KIAA1328: variants seen among roughly 807,000 people sequenced by gnomAD.
KIAA1328 encodes protein hinderin.
Under a neutral mutation model 68.1 loss-of-function variants are expected in KIAA1328, and 52 were observed. The ratio of observed to expected loss-of-function variants is 0.76; its 90% CI spans 0.61 to 0.96. The LOEUF (loss-of-function observed/expected upper bound fraction) is 0.96, where lower values mean the gene tolerates loss of function less well. Among genes scored for constraint, KIAA1328 ranks in the 40% least tolerant of loss-of-function variants. KIAA1328 has a pLI of 0.00. For synonymous variants in KIAA1328, 232 were observed against 239.4 expected (o/e 0.97, Z 0.28); for missense variants, 641 against 677.6 (o/e 0.95, Z 0.60).
intron 5 of KIAA1328, among the ~76,000 whole-genome samples, chr18:36,919,525 TAG>T (rs2049839301): frequency 6.6e-6 from 1 of 152,186 alleles, no homozygotes; most frequent in South Asian, 2.1e-4. Flanking sequence ...GCGAGGAACA[TAG>T]AGTGTTGCAA....
intron 6 of KIAA1328, among the ~76,000 whole-genome samples, chr18:37,066,527 G>A (rs1371983546): frequency 6.6e-6 from 1 of 152,126 alleles, no homozygotes; most frequent in African/African-American, 2.4e-5. Context: ...CCTTGGCTCA[G>A]TATTCAAAAG....
intron 7 of KIAA1328, among the ~76,000 whole-genome samples, chr18:37,130,861 G>A (rs1159537599): frequency 3.3e-5 from 5 of 152,090 alleles, no homozygotes; most frequent in African/African-American, 1.2e-4. Context: ...TTTTTTTCTA[G>A]ATTTCCTTTT....
chr18:36,903,726 G>C (rs527965935), intron 5 of KIAA1328: 47 of 152,258 alleles, frequency 3.1e-4, no homozygotes, highest in Non-Finnish European at 5.3e-4. Flanking sequence ...TTTGTACCAT[G>C]ACTAAGCACA....
intron 7 of KIAA1328, among the ~76,000 whole-genome samples, chr18:37,103,979 C>T (rs557186071): frequency 6.6e-6 from 1 of 152,196 alleles, no homozygotes; most frequent in South Asian, 2.1e-4. Flanking sequence ...TATCATCTCA[C>T]CCCAGTTAGC....
intron 9 of KIAA1328, among the ~76,000 whole-genome samples, chr18:37,184,594 G>A (rs929434226): frequency 6.6e-6 from 1 of 152,150 alleles, no homozygotes; most frequent in African/African-American, 2.4e-5. Flanking sequence ...AGAGTTAAAG[G>A]CCGAAGATCT....
At chr18:37,081,651 T>C (rs2930874) in intron 7 of KIAA1328, among the ~76,000 whole-genome samples, 40,545 of 152,102 alleles carry the variant, frequency 0.27, 8,503 homozygotes, top group African/African-American at 0.59. Flanking sequence ...TGAAGCCTTT[T>C]ATAATTTGGA....
chr18:37,134,303 G>A (rs751495532), intron 7 of KIAA1328, among the ~76,000 whole-genome samples: 84 of 152,158 alleles, frequency 5.5e-4, no homozygotes, highest in Middle Eastern at 3.4e-3. Flanking sequence ...GAGCCACTGC[G>A]CCTGGCTACA....
Position 37,105,916 on chromosome 18 carries a change from CAAAAAAAAAAAA to C in KIAA1328, c.1232+38389_1232+38400del, listed in dbSNP as rs58940699. ...TGGTTGACAGAGCAAGACTCTGTGT[CAAAAAAAAAAAA>C]AAAAAAAAAAAAAAAAAGAATTATA... On this transcript the variant is annotated intron_variant, in intron 7 of 9. Transcript: ENST00000280020. Among the ~76,000 whole-genome samples the C allele has an allele frequency of 9.7e-4, 19 of 19,504 alleles. 1 individual carries two copies. In the South Asian group the frequency reaches 0.013, roughly 13 times the overall value. 12.8% of individuals were successfully genotyped at this position (19,504 alleles called of 152,430 possible).
intron 7 of KIAA1328, among the ~76,000 whole-genome samples, chr18:37,139,313 G>A (rs550641662): frequency 6.6e-6 from 1 of 152,184 alleles, no homozygotes; most frequent in South Asian, 2.1e-4. Context: ...TTCATTCACA[G>A]GTCCATTGCA....
chr18:37,076,781 C>T (rs1346673841), intron 7 of KIAA1328, among the ~76,000 whole-genome samples: 1 of 151,812 alleles, frequency 6.6e-6, no homozygotes, highest in African/African-American at 2.4e-5. Flanking sequence ...AAGACTAAAC[C>T]AGGAAGAAGT....
intron 5 of KIAA1328, among the ~76,000 whole-genome samples, chr18:36,928,149 T>C (rs11665258): frequency 0.13 from 20,279 of 152,202 alleles, 1,738 homozygotes; most frequent in Non-Finnish European, 0.18. Flanking sequence ...TGCTTTCTGT[T>C]TTAAGAGCAT....
chr18:36,896,831 CT>C (rs2048882583), intron 5 of KIAA1328, among the ~76,000 whole-genome samples: 2 of 152,028 alleles, frequency 1.3e-5, no homozygotes, highest in Admixed American at 6.6e-5. Context: ...CTGATGTACT[CT>C]TTTCAGCTAC....
intron 7 of KIAA1328, among the ~76,000 whole-genome samples, chr18:37,079,446 A>G (rs1467857563): frequency 4.1e-5 from 6 of 147,910 alleles, no homozygotes; most frequent in Non-Finnish European, 5.9e-5. Context: ...TAACCTGCAC[A>G]TTGTGCACAT....
chr18:36,935,754 C>CTGTG (rs914779903), intron 5 of KIAA1328, among the ~76,000 whole-genome samples: 1 of 151,860 alleles, frequency 6.6e-6, no homozygotes, highest in African/African-American at 2.4e-5. Context: ...TAAGTATATA[C>CTGTG]TGTGTGTGTG....
At chr18:37,126,908 T>C (rs323302) in intron 7 of KIAA1328, among the ~76,000 whole-genome samples, 66,990 of 151,972 alleles carry the variant, frequency 0.44, 16,750 homozygotes, top group African/African-American at 0.69. Context: ...AATCTCTCAA[T>C]ATACTAGTAA....
chr18:37,024,327 G>T (rs556623879), intron 6 of KIAA1328, among the ~76,000 whole-genome samples: 1 of 148,920 alleles, frequency 6.7e-6, no homozygotes, highest in Admixed American at 6.7e-5. Context: ...GTGTCCATGT[G>T]TTCTCTTTTT....
intron 6 of KIAA1328, among the ~76,000 whole-genome samples, chr18:36,960,704 A>G (rs2051628240): frequency 6.6e-6 from 1 of 152,210 alleles, no homozygotes; most frequent in African/African-American, 2.4e-5. Context: ...AAACACCAAC[A>G]GACCTGCAGC....
At chr18:36,975,835 T>C (rs901725075) in intron 6 of KIAA1328, among the ~76,000 whole-genome samples, 1 of 152,356 alleles carries the variant, frequency 6.6e-6, no homozygotes, top group East Asian at 1.9e-4. Flanking sequence ...TTAAGAACTA[T>C]GAAGGATAGA....
intron 5 of KIAA1328, among the ~76,000 whole-genome samples, chr18:36,943,508 G>A (rs1284133349): frequency 6.6e-6 from 1 of 152,134 alleles, no homozygotes; most frequent in Admixed American, 6.5e-5. Context: ...TGCAATACCT[G>A]TAATCTTTAT....
Sources: gnomAD v4.1 joint callset for allele counts (sites outside exome capture counted in the v4.1 genomes callset) on GRCh38, gnomAD v4.1.1 for gene constraint, MANE v1.5 for transcripts, NCBI Gene and HGNC (gene_info 2026-07-23, HGNC 2026-07-21) for gene names.